Variants in ABHD13 observed in about 807,000 individuals in gnomAD.
The protein encoded by ABHD13 is abhydrolase domain containing 13.
ABHD13 carries 7 observed loss-of-function variants against 25.2 expected under a neutral mutation model. The ratio of observed to expected loss-of-function variants is 0.28; its 90% CI spans 0.16 to 0.52. The LOEUF (loss-of-function observed/expected upper bound fraction) is 0.52. Ranked by LOEUF, ABHD13 falls within the 20% of genes least tolerant of loss-of-function variation. The probability of loss-of-function intolerance (pLI) is 0.96; values close to 1 mark genes in which losing one functional copy is unlikely to be tolerated. For synonymous variants in ABHD13, 133 were observed against 136.1 expected, an observed-to-expected ratio of 0.98 and a Z score of 0.16; for missense variants, 302 against 402.7, an observed-to-expected ratio of 0.75 and a Z score of 2.14.
chr13:108,229,163 C>T lies in ABHD13; in HGVS notation c.-20-36C>T, dbSNP rs558719993. 19 of 1,417,070 alleles carry T rather than the reference C, an allele frequency of 1.3e-5. No individual in the cohort carries two copies. Among genetic ancestry groups the T allele is most frequent in the Middle Eastern group, 1.9e-4 (1 of 5,374 alleles). The allele number at this position is 1,417,070 out of a possible 1,614,324, so 87.8% of individuals were successfully genotyped here. A position where few individuals can be genotyped will look rare whatever the true frequency, so the allele number is the denominator to read the frequency against. On this transcript the variant is annotated intron_variant, in intron 1 of 1. Transcript: ENST00000375898. This position sits in a 1 kb window ranked among gnomAD's most constrained non-coding sequence, Gnocchi z 4.7. Reference sequence around the variant, plus strand: ...GTGGATTTTTAAAAGAATAGATAGACGTTGAATTATTGATATTCTCCCTCT... The same window carrying T: ...GTGGATTTTTAAAAGAATAGATAGATGTTGAATTATTGATATTCTCCCTCT...
chr13:108,233,553 A>G lies in ABHD13; in HGVS notation c.*3321A>G, dbSNP rs17464594. The G allele has an allele frequency of 0.15, 24,249 of 166,660 alleles. 2,087 individuals carry two copies. The highest frequency in any genetic ancestry group is 0.18 in the Non-Finnish European group (12,392 of 67,848). The allele number at this position is 166,660 out of a possible 1,614,324, so 10.3% of individuals were successfully genotyped here. On this transcript the variant is annotated 3_prime_UTR_variant, in exon 2 of 2. Transcript: ENST00000375898. ...ATGTATTTTTAAAAACTGTGAGAGG[A>G]AAAATTAGTCATAACCCTTTTGGGT...
chr13:108,223,726 G>A (rs1352951870), intron 1 of ABHD13, among the ~76,000 whole-genome samples: 8 of 152,168 alleles, frequency 5.3e-5, no homozygotes. Context: ...GCATAATACT[G>A]ATCTTGTGGA....
At chr13:108,221,401 G>C (rs1168276747) in intron 1 of ABHD13, among the ~76,000 whole-genome samples, 1 of 152,156 alleles carries the variant, frequency 6.6e-6, no homozygotes, top group Non-Finnish European at 1.5e-5. Context: ...TAAGAATACT[G>C]AATCTGAGTT....
At chr13:108,223,370 A>AG (rs1246176619) in intron 1 of ABHD13, among the ~76,000 whole-genome samples, 2 of 152,252 alleles carry the variant, frequency 1.3e-5, no homozygotes, top group Non-Finnish European at 2.9e-5. Context: ...CAAAGCAGCT[A>AG]GTTCAGCTCA....
Position 108,233,966 on chromosome 13 carries a change from C to T in ABHD13, c.*3734C>T, listed in dbSNP as rs1879867864. The T allele has an allele frequency of 6.0e-6, 1 of 166,588 alleles. No individual in the cohort carries two copies. Among genetic ancestry groups the T allele is most frequent in the Non-Finnish European group, 1.5e-5 (1 of 67,902 alleles). 10.3% of individuals were successfully genotyped at this position (166,588 alleles called of 1,614,324 possible). A position where few individuals can be genotyped will look rare whatever the true frequency, so the allele number is the denominator to read the frequency against. ...TTTATAATTATTTCTGTCAGTACAG[C>T]GTATATGGAAAATTCAAGTTGTTTT... On this transcript the variant is annotated 3_prime_UTR_variant, in exon 2 of 2. Coordinates refer to ENST00000375898, the MANE Select transcript of ABHD13 (RefSeq NM_032859.3).
At position 108,233,647 on chromosome 13, in the gene ABHD13, AT is replaced by A; in HGVS notation, c.*3421del. ...TGGAAATGACAGAGCACAGACATTT[AT>A]TTTTTAAATTGATAGGGTAGAAAAT... On this transcript the variant is annotated 3_prime_UTR_variant, in exon 2 of 2. Coordinates refer to ENST00000375898, the MANE Select transcript of ABHD13 (RefSeq NM_032859.3). 1 of 166,478 alleles carries A rather than the reference AT, an allele frequency of 6.0e-6. No homozygotes were observed. 10.3% of individuals were successfully genotyped at this position (166,478 alleles called of 1,614,324 possible). A position where few individuals can be genotyped will look rare whatever the true frequency, so the allele number is the denominator to read the frequency against.
intron 1 of ABHD13, among the ~76,000 whole-genome samples, chr13:108,222,287 C>T (rs377267940): frequency 1.7e-4 from 26 of 152,102 alleles, no homozygotes; most frequent in African/African-American, 3.4e-4. Context: ...ACTAACCTTA[C>T]GGCAATAATT....
rs1311475197 is a variant in ABHD13 at position 108,230,978 on chromosome 13, T to G, written c.*746T>G. On this transcript the variant is annotated 3_prime_UTR_variant, in exon 2 of 2. Transcript: ENST00000375898. ...GCATGTAGAAATAGAAATTTAGAAT[T>G]TTACTGCAGCTTTGATGTGCATATT... is the stretch of plus-strand genomic sequence containing the variant. The G allele has an allele frequency of 6.0e-6, 1 of 166,744 alleles. No homozygotes were observed. The highest frequency in any genetic ancestry group is 1.5e-5 in the Non-Finnish European group (1 of 67,944). The allele number at this position is 166,744 out of a possible 1,614,324, so 10.3% of individuals were successfully genotyped here.
intron 1 of ABHD13, among the ~76,000 whole-genome samples, chr13:108,220,045 C>G (rs1276458672): frequency 1.3e-5 from 2 of 152,192 alleles, no homozygotes; most frequent in Non-Finnish European, 2.9e-5. Context: ...GCACTTAACA[C>G]ACTATTACAT....
chr13:108,225,810 G>A (rs1313549799), intron 1 of ABHD13, among the ~76,000 whole-genome samples: 1 of 152,156 alleles, frequency 6.6e-6, no homozygotes, highest in African/African-American at 2.4e-5. Flanking sequence ...AAGATGAGAA[G>A]TTATTGATTA....
chr13:108,227,266 AC>A lies in ABHD13; in HGVS notation c.-20-1932del, dbSNP rs150520329. 1.1e-3 allele frequency among the ~76,000 whole-genome samples: 172 copies of A among 152,240 alleles called. 1 individual carries two copies. Among genetic ancestry groups the A allele is most frequent in the African/African-American group, 4.1e-3 (169 of 41,566 alleles). Reference sequence around the variant, plus strand: ...AACATATATGCCCACTGCTCAGAATACTTTTTTTAAAATAAATTGAATAATT... The same window carrying A: ...AACATATATGCCCACTGCTCAGAATATTTTTTTAAAATAAATTGAATAATT... On this transcript the variant is annotated intron_variant, in intron 1 of 1. Coordinates refer to ENST00000375898, the MANE Select transcript of ABHD13 (RefSeq NM_032859.3).
intron 1 of ABHD13, among the ~76,000 whole-genome samples, chr13:108,220,228 T>G (rs117765841): frequency 1.3e-5 from 2 of 152,276 alleles, no homozygotes; most frequent in East Asian, 3.9e-4. Flanking sequence ...ACAGTTAACT[T>G]GGAATGATTA....
At chr13:108,222,682 G>A (rs554942252) in intron 1 of ABHD13, among the ~76,000 whole-genome samples, 1 of 152,052 alleles carries the variant, frequency 6.6e-6, no homozygotes, top group Non-Finnish European at 1.5e-5. Flanking sequence ...TGGAAAACTG[G>A]AAGTTTATAA....
Position 108,233,289 on chromosome 13 carries a change from G to C in ABHD13, c.*3057G>C, listed in dbSNP as rs531170884. The C allele has an allele frequency of 1.2e-5, 2 of 166,816 alleles. No individual in the cohort carries two copies. The highest frequency in any genetic ancestry group is 4.8e-5 in the African/African-American group (2 of 41,510). 10.3% of individuals were successfully genotyped at this position (166,816 alleles called of 1,614,324 possible). On this transcript the variant is annotated 3_prime_UTR_variant, in exon 2 of 2. Coordinates refer to ENST00000375898, the MANE Select transcript of ABHD13 (RefSeq NM_032859.3). ...TGTAAGTTTGGCTTTGTGGGAATAG[G>C]TGTGGAGAAATTAAAGAGTGAAGGC...
At chr13:108,227,331 G>A (rs201387585) in intron 1 of ABHD13, among the ~76,000 whole-genome samples, 5 of 151,740 alleles carry the variant, frequency 3.3e-5, no homozygotes, top group East Asian at 3.9e-4. Flanking sequence ...TGTTTTAGTC[G>A]TAAGTATATA....
At chr13:108,221,667 C>T (rs537975346) in intron 1 of ABHD13, among the ~76,000 whole-genome samples, 2 of 152,152 alleles carry the variant, frequency 1.3e-5, no homozygotes, top group African/African-American at 4.8e-5. Flanking sequence ...AATAATAGTG[C>T]CTTTATGACT....
intron 1 of ABHD13, among the ~76,000 whole-genome samples, chr13:108,220,799 A>G (rs923737730): frequency 2.6e-5 from 4 of 152,228 alleles, no homozygotes; most frequent in African/African-American, 9.6e-5. Context: ...TCAATGTTAT[A>G]TAACACTGGT....
chr13:108,224,206 T>G (rs1356515814), intron 1 of ABHD13, among the ~76,000 whole-genome samples: 1 of 152,234 alleles, frequency 6.6e-6, no homozygotes, highest in Non-Finnish European at 1.5e-5. Flanking sequence ...GAACTTACGT[T>G]AGGTATGTAG....
intron 1 of ABHD13, among the ~76,000 whole-genome samples, chr13:108,225,162 C>CT (rs369949931): frequency 1.8e-4 from 28 of 151,998 alleles, no homozygotes; most frequent in African/African-American, 5.3e-4. Flanking sequence ...ACACATCATG[C>CT]TTTTTTTGTG....
Sources: gnomAD v4.1 joint callset for allele counts (sites outside exome capture counted in the v4.1 genomes callset) on GRCh38, gnomAD v4.1.1 for gene constraint, Gnocchi (gnomAD v3.1) non-coding constraint, MANE v1.5 for transcripts, NCBI Gene and HGNC (gene_info 2026-07-23, HGNC 2026-07-21) for gene names.